The following PEAK1 variants were observed in gnomAD, a reference collection of about 807,000 sequenced individuals.
PEAK1 encodes the protein inactive tyrosine-protein kinase PEAK1.
In PEAK1, 54 loss-of-function variants were observed where a neutral mutation model predicts 124.7. That is an observed-to-expected ratio of 0.43 (90% CI 0.35 to 0.54). The LOEUF (loss-of-function observed/expected upper bound fraction) is 0.54. Ranked by LOEUF, PEAK1 falls within the 20% of genes least tolerant of loss-of-function variation. The pLI, the probability that PEAK1 is intolerant of heterozygous loss-of-function variation, is 0.01. For synonymous variants in PEAK1, 719 were observed against 760.0 expected (o/e 0.95, Z 0.89); for missense variants, 2,046 against 2,134.5 (o/e 0.96, Z 0.82).
At chr15:77,346,255 T>C (rs2066869003) in intron 2 of PEAK1, 1 of 929,116 alleles carries the variant, frequency 1.1e-6, no homozygotes, top group Non-Finnish European at 1.3e-6. Flanking sequence ...CTTCTGAAAA[T>C]AAATGTTGCT....
At chr15:77,246,497 G>C (rs1027773674) in intron 6 of PEAK1, among the ~76,000 whole-genome samples, 1 of 151,014 alleles carries the variant, frequency 6.6e-6, no homozygotes, top group Admixed American at 6.6e-5. Context: ...CCTGGGTGGC[G>C]GAGTAAGACT....
intron 2 of PEAK1, among the ~76,000 whole-genome samples, chr15:77,353,615 C>T (rs2067332904): frequency 6.6e-6 from 1 of 152,166 alleles, no homozygotes. Context: ...TGAACTACTA[C>T]TTCTACCTAA....
intron 1 of PEAK1, among the ~76,000 whole-genome samples, chr15:77,374,733 A>G (rs1333100423): frequency 6.6e-6 from 1 of 152,190 alleles, no homozygotes; most frequent in Non-Finnish European, 1.5e-5. Context: ...CATATGATTA[A>G]AATGTTAAAA....
chr15:77,231,024 C>G (rs913625172), intron 6 of PEAK1, among the ~76,000 whole-genome samples: 1 of 151,876 alleles, frequency 6.6e-6, no homozygotes, highest in African/African-American at 2.4e-5. Flanking sequence ...ATAGGACCAG[C>G]CCAGTGTTGG....
intron 1 of PEAK1, chr15:77,401,591 A>C (rs2071382186): frequency 2.0e-6 from 2 of 982,124 alleles, no homozygotes; most frequent in South Asian, 9.4e-5. Context: ...GATCAATTAA[A>C]CTCCCAAATC....
chr15:77,394,000 C>T (rs1248445907), intron 1 of PEAK1, among the ~76,000 whole-genome samples: 6 of 152,116 alleles, frequency 3.9e-5, no homozygotes, highest in Admixed American at 6.5e-5. Flanking sequence ...GTACTCACCA[C>T]GGGCCTGGGA....
intron 1 of PEAK1, among the ~76,000 whole-genome samples, chr15:77,414,210 T>TA (rs1488151190): frequency 1.4e-5 from 1 of 74,014 alleles, no homozygotes; most frequent in African/African-American, 3.8e-5. Flanking sequence ...TTTCCTTCTT[T>TA]TTTTTTTTTT....
intron 5 of PEAK1, among the ~76,000 whole-genome samples, chr15:77,280,902 T>A (rs1183407614): frequency 6.6e-6 from 1 of 152,162 alleles, no homozygotes; most frequent in Non-Finnish European, 1.5e-5. Context: ...CTCACATCTG[T>A]AATCCCAGCA....
chr15:77,286,600 T>A, intron 2 of PEAK1, 96 bp from the exon 3 acceptor site: 1 of 534,178 alleles, frequency 1.9e-6, no homozygotes, highest in Non-Finnish European at 2.9e-6. Context: ...TAAAGCAGAA[T>A]CAAACTCTTA....
At chr15:77,207,113 T>C (rs1447620638) in intron 6 of PEAK1, among the ~76,000 whole-genome samples, 1 of 152,098 alleles carries the variant, frequency 6.6e-6, no homozygotes, top group African/African-American at 2.4e-5. Context: ...CAAAAATCAA[T>C]TCAAGATGGA....
intron 1 of PEAK1, among the ~76,000 whole-genome samples, chr15:77,397,427 C>T (rs1440475024): frequency 6.7e-6 from 1 of 150,280 alleles, no homozygotes; most frequent in Non-Finnish European, 1.5e-5. Flanking sequence ...AAACCAAACC[C>T]AAAATTAGTA....
At chr15:77,171,958 T>G (rs1032620492) in intron 7 of PEAK1, among the ~76,000 whole-genome samples, 2 of 152,198 alleles carry the variant, frequency 1.3e-5, no homozygotes, top group Non-Finnish European at 2.9e-5. Context: ...CAATCTGCTG[T>G]GATATGTTGC....
chr15:77,151,823 A>T (rs181094405), intron 8 of PEAK1, among the ~76,000 whole-genome samples: 2 of 152,204 alleles, frequency 1.3e-5, no homozygotes, highest in African/African-American at 4.8e-5. Flanking sequence ...ATGGTTGTAG[A>T]TATGTGGCGT....
chr15:77,332,611 A>G (rs2065960349), intron 2 of PEAK1, among the ~76,000 whole-genome samples: 3 of 152,134 alleles, frequency 2.0e-5, no homozygotes, highest in African/African-American at 7.2e-5. Flanking sequence ...AAAAATAAAT[A>G]AATAAATAAT....
At chr15:77,407,837 C>A in intron 1 of PEAK1, among the ~76,000 whole-genome samples, 1 of 150,484 alleles carries the variant, frequency 6.6e-6, no homozygotes, top group African/African-American at 2.4e-5. Flanking sequence ...TTCGCAATTG[C>A]AAAAAAATAT....
chr15:77,309,538 A>C lies in PEAK1; in HGVS notation c.-602-23034T>G, dbSNP rs962670570. 2.0e-5 allele frequency among the ~76,000 whole-genome samples: 3 copies of C among 152,184 alleles called. No homozygotes were observed. The South Asian group carries it at 6.2e-4, about 32-fold the overall frequency. On this transcript the variant is annotated intron_variant, in intron 2 of 9. Transcript: ENST00000682557. ...TCTAAAATTAAACAGCTGATCACAG[A>C]TTGAAAATGATAGTAATATGCAAAT...
In PEAK1 at chr15:77,337,554, G is replaced by A. The variant is rs544147987; in HGVS notation, c.-603+27609C>T. 7.1e-5 allele frequency: 70 copies of A among 985,048 alleles called. No individual in the cohort carries two copies. In the African/African-American group the frequency reaches 1.2e-3, roughly 16 times the overall value. The allele number at this position is 985,048 out of a possible 1,614,324, so 61.0% of individuals were successfully genotyped here. ...ACAGAAGATAAGATGTAGTCTGGCA[G>A]AGATTCCACACCAACAGAATTTTTA... On this transcript the variant is annotated intron_variant, in intron 2 of 9. Coordinates refer to ENST00000682557, the MANE Select transcript of PEAK1 (RefSeq NM_001385026.1).
chr15:77,395,311 T>C (rs540365769), intron 1 of PEAK1, among the ~76,000 whole-genome samples: 1 of 151,608 alleles, frequency 6.6e-6, no homozygotes, highest in Non-Finnish European at 1.5e-5. Flanking sequence ...ATCTAGAAAA[T>C]AGCCTCAAAA....
rs529830106 is a variant in PEAK1 at position 77,379,115 on chromosome 15, C to G, written c.-665-13890G>C. On this transcript the variant is annotated intron_variant, in intron 1 of 9. Coordinates refer to ENST00000682557, the MANE Select transcript of PEAK1 (RefSeq NM_001385026.1). ...GTAATAAATGTGTTCACTTAGGTAACAAGAAAGAAGAAAAAGGCAACCTAC... is the reference window on the plus strand; with the variant it reads ...GTAATAAATGTGTTCACTTAGGTAAGAAGAAAGAAGAAAAAGGCAACCTAC... Among the ~76,000 whole-genome samples the G allele has an allele frequency of 7.2e-5, 11 of 152,168 alleles. No individual in the cohort carries two copies. In the South Asian group the frequency reaches 2.3e-3, roughly 32 times the overall value.
Sources: gnomAD v4.1 joint callset for allele counts (sites outside exome capture counted in the v4.1 genomes callset) on GRCh38, gnomAD v4.1.1 for gene constraint, MANE v1.5 for transcripts, NCBI Gene and HGNC (gene_info 2026-07-23, HGNC 2026-07-21) for gene names.